The following CNTLN variants were observed in gnomAD, a reference collection of about 807,000 sequenced individuals.
CNTLN encodes the protein centlein, centrosomal protein.
Under a neutral mutation model 180.0 loss-of-function variants are expected in CNTLN, and 212 were observed. The ratio of observed to expected loss-of-function variants is 1.18; its 90% CI spans 1.05 to 1.32. The LOEUF is 1.32. CNTLN is among the 40% of genes most tolerant of loss of function. CNTLN has a pLI of 0.00. For missense variants in CNTLN, 2,095 were observed against 1,610.9 expected (o/e 1.30, Z -5.14); for synonymous variants, 722 against 563.1 (o/e 1.28, Z -3.99).
chr9:17,199,877 A>G (rs200713433), intron 2 of CNTLN, among the ~76,000 whole-genome samples: 1 of 151,956 alleles, frequency 6.6e-6, no homozygotes, highest in African/African-American at 2.4e-5. Context: ...CTTTTGTTGC[A>G]ATTGCTTTTG....
At chr9:17,211,152 T>A (rs947510384) in intron 2 of CNTLN, among the ~76,000 whole-genome samples, 9 of 152,144 alleles carry the variant, frequency 5.9e-5, no homozygotes, top group Non-Finnish European at 8.8e-5. Context: ...CTGAATGGTA[T>A]TGCCTAGGTT....
intron 12 of CNTLN, among the ~76,000 whole-genome samples, chr9:17,350,283 G>C (rs1393474886): frequency 6.6e-6 from 1 of 152,208 alleles, no homozygotes; most frequent in East Asian, 1.9e-4. Context: ...ACATTCGTGT[G>C]TGTTTTCTGT....
intron 2 of CNTLN, among the ~76,000 whole-genome samples, chr9:17,219,222 T>C (rs1241105417): frequency 6.6e-6 from 1 of 151,558 alleles, no homozygotes; most frequent in Admixed American, 6.6e-5. Context: ...CATCATCAGC[T>C]CCTGGCAGTG....
intron 13 of CNTLN, among the ~76,000 whole-genome samples, chr9:17,382,222 C>T (rs559739087): frequency 2.0e-5 from 3 of 152,158 alleles, no homozygotes; most frequent in Middle Eastern, 6.8e-3. Flanking sequence ...TCAGATTGTC[C>T]TTATTAAATA....
intron 16 of CNTLN, among the ~76,000 whole-genome samples, chr9:17,412,115 T>G (rs1298299683): frequency 6.6e-6 from 1 of 151,880 alleles, no homozygotes; most frequent in East Asian, 1.9e-4. Context: ...AGATGCCTAT[T>G]GGGTAGCCTG....
chr9:17,408,017 C>T (rs1827532530), intron 15 of CNTLN, among the ~76,000 whole-genome samples: 1 of 150,014 alleles, frequency 6.7e-6, no homozygotes, highest in South Asian at 2.1e-4. Flanking sequence ...ATCCCAGCTA[C>T]TCGGGAGGCT....
At chr9:17,174,589 G>A (rs186124444) in intron 2 of CNTLN, among the ~76,000 whole-genome samples, 6 of 152,088 alleles carry the variant, frequency 3.9e-5, no homozygotes, top group Admixed American at 2.6e-4. Flanking sequence ...CCAGCTACTC[G>A]GGAGGCTGAG....
At chr9:17,229,713 A>G (rs1824693525) in intron 3 of CNTLN, among the ~76,000 whole-genome samples, 2 of 152,134 alleles carry the variant, frequency 1.3e-5, no homozygotes, top group South Asian at 2.1e-4. Flanking sequence ...TCACAATAAC[A>G]TCTAGACTGG....
intron 18 of CNTLN, among the ~76,000 whole-genome samples, chr9:17,422,397 C>T (rs1037805431): frequency 6.6e-6 from 1 of 152,026 alleles, no homozygotes; most frequent in Non-Finnish European, 1.5e-5. Flanking sequence ...TTAATTCTAT[C>T]ACCCTCTGAT....
At position 17,135,434 on chromosome 9, in the gene CNTLN, G is replaced by A. The variant is rs1225179368; in HGVS notation, c.360+9G>A. 9 of 1,589,390 alleles carry A rather than the reference G, an allele frequency of 5.7e-6. No individual in the cohort carries two copies. The highest frequency in any genetic ancestry group is 1.7e-4 in the Middle Eastern group (1 of 6,048). On this transcript the variant is annotated intron_variant, in intron 1 of 25. Transcript: ENST00000380647. Reference sequence around the variant, plus strand: ...AGTTGGCCCTGTGTCAGGTATCGAGGAGTCTCGCAGTCCCCCTTTCCCCAC... The same window carrying A: ...AGTTGGCCCTGTGTCAGGTATCGAGAAGTCTCGCAGTCCCCCTTTCCCCAC...
intron 2 of CNTLN, among the ~76,000 whole-genome samples, chr9:17,218,562 G>A (rs1181959607): frequency 6.6e-6 from 1 of 152,012 alleles, no homozygotes; most frequent in Non-Finnish European, 1.5e-5. Context: ...CTGTTATTAA[G>A]TCTTACTGTT....
intron 10 of CNTLN, among the ~76,000 whole-genome samples, chr9:17,338,453 A>G (rs1212287848): frequency 6.8e-6 from 1 of 148,070 alleles, no homozygotes; most frequent in Non-Finnish European, 1.5e-5. Flanking sequence ...GATTAGAGGC[A>G]TGAACCACTG....
intron 19 of CNTLN, among the ~76,000 whole-genome samples, chr9:17,461,164 A>C (rs1323620983): frequency 6.6e-6 from 1 of 151,512 alleles, no homozygotes; most frequent in Non-Finnish European, 1.5e-5. Flanking sequence ...TATAATTTAT[A>C]GTGATAATAT....
intron 12 of CNTLN, among the ~76,000 whole-genome samples, chr9:17,359,432 A>G (rs994649816): frequency 6.6e-6 from 1 of 151,954 alleles, no homozygotes; most frequent in Non-Finnish European, 1.5e-5. Context: ...AACGAATTAA[A>G]AGGCTACTTT....
rs540014398 is a variant in CNTLN at position 17,137,583 on chromosome 9, T to C, written c.360+2158T>C. ...CCTAATACTGTGTGGGCTGATATTTTTTCAGTTCTATTCCTTTAAAAAATG... is the reference window on the plus strand; with the variant it reads ...CCTAATACTGTGTGGGCTGATATTTCTTCAGTTCTATTCCTTTAAAAAATG... On this transcript the variant is annotated intron_variant, in intron 1 of 25. Transcript: ENST00000380647. Among the ~76,000 whole-genome samples the C allele has an allele frequency of 5.3e-5, 8 of 152,346 alleles. 1 individual carries two copies. Among genetic ancestry groups the C allele is most frequent in the African/African-American group, 1.9e-4 (8 of 41,580 alleles).
chr9:17,142,781 C>T (rs1412616629), intron 1 of CNTLN, among the ~76,000 whole-genome samples: 1 of 152,114 alleles, frequency 6.6e-6, no homozygotes, highest in Non-Finnish European at 1.5e-5. Context: ...TACCTGTCAG[C>T]CAAGGTTAAT....
intron 2 of CNTLN, among the ~76,000 whole-genome samples, chr9:17,220,439 G>A (rs77582781): frequency 0.018 from 2,774 of 152,156 alleles, 81 homozygotes; most frequent in African/African-American, 0.063. Context: ...AGGGGTACAT[G>A]TGCAGGTTTG....
At chr9:17,304,575 A>G (rs1211747023) in intron 7 of CNTLN, among the ~76,000 whole-genome samples, 1 of 152,148 alleles carries the variant, frequency 6.6e-6, no homozygotes, top group Non-Finnish European at 1.5e-5. Context: ...TTTGGCTATA[A>G]ATAGTACAGT....
intron 2 of CNTLN, among the ~76,000 whole-genome samples, chr9:17,159,973 C>T (rs1819563971): frequency 6.6e-6 from 1 of 151,994 alleles, no homozygotes; most frequent in Non-Finnish European, 1.5e-5. Context: ...TAAAACTGCT[C>T]AATTTTGGGG....
Sources: allele counts gnomAD v4.1 joint callset (sites outside exome capture counted in the v4.1 genomes callset), GRCh38; gene constraint gnomAD v4.1.1; transcripts MANE v1.5; gene names NCBI Gene and HGNC (gene_info 2026-07-23, HGNC 2026-07-21).